IQGAP3: variants seen among roughly 807,000 people sequenced by gnomAD.
The protein encoded by IQGAP3 is ras GTPase-activating-like protein IQGAP3.
In IQGAP3, 165 loss-of-function variants were observed where a neutral mutation model predicts 208.2. The ratio of observed to expected loss-of-function variants is 0.79; its 90% CI spans 0.70 to 0.90. The LOEUF is 0.90. Among genes scored for constraint, IQGAP3 ranks in the 40% least tolerant of loss-of-function variants. The pLI is 0.00. For synonymous variants in IQGAP3, 703 were observed against 803.6 expected, an observed-to-expected ratio of 0.87 and a Z score of 2.12; for missense variants, 1,811 against 2,043.1, an observed-to-expected ratio of 0.89 and a Z score of 2.19.
chr1:156,556,751 C>G (rs904717224), intron 11 of IQGAP3, 58 bp from the exon 12 acceptor site: 86 of 1,429,934 alleles, frequency 6.0e-5, no homozygotes, highest in Admixed American at 7.6e-5. Context: ...CATCTCCACT[C>G]TCCTCACCAA....
chr1:156,554,588 A>G (rs1675735920), intron 12 of IQGAP3, among the ~76,000 whole-genome samples, 196 bp from the exon 13 acceptor site: 1 of 152,252 alleles, frequency 6.6e-6, no homozygotes, highest in African/African-American at 2.4e-5. Flanking sequence ...AGTACTTCAC[A>G]CACATTATCA....
Position 156,554,335 on chromosome 1 carries a change from T to C in IQGAP3, c.1348A>G (p.Ile450Val). The C allele has an allele frequency of 6.2e-7, 1 of 1,614,048 alleles. No homozygotes were observed. The highest frequency in any genetic ancestry group is 1.1e-5 in the South Asian group (1 of 91,066). Residue 450 changes from isoleucine to valine, a missense_variant, in exon 13 of 38, where the codon ATT (isoleucine) becomes GTT (valine). By Grantham distance (29) the Ile-to-Val change is conservative (BLOSUM62 3). Transcript: ENST00000361170. The stretch of plus-strand genomic sequence containing the variant: ...TCCCGGGCCTCCAGGGCCCGGTTAA[T>C]CAGGACCACAGCTGAGAGCATCTCC... ...AVEMLSAVVL[I>V]NRALEARDAS...
At chr1:156,537,063 G>A (rs1018880829) in intron 27 of IQGAP3, 118 bp downstream of exon 27, 44 of 1,107,122 alleles carry the variant, frequency 4.0e-5, no homozygotes, top group Non-Finnish European at 5.7e-5. Context: ...GAGTACCCCT[G>A]GCTCCATCTC....
At chr1:156,531,884 C>T (rs1674425757) in intron 32 of IQGAP3, among the ~76,000 whole-genome samples, 1 of 151,696 alleles carries the variant, frequency 6.6e-6, no homozygotes, top group South Asian at 2.1e-4. Context: ...AGATTACAGA[C>T]ATGAGCCACC....
intron 32 of IQGAP3, among the ~76,000 whole-genome samples, chr1:156,531,661 A>G (rs1674414706): frequency 6.7e-6 from 1 of 148,852 alleles, no homozygotes; most frequent in African/African-American, 2.5e-5. Flanking sequence ...CTGGAGTGCA[A>G]TGGCATGATC....
At chr1:156,571,902 T>C (rs896278183) in intron 1 of IQGAP3, among the ~76,000 whole-genome samples, 2 of 152,204 alleles carry the variant, frequency 1.3e-5, no homozygotes, top group Non-Finnish European at 2.9e-5. Context: ...TTTGAAAATG[T>C]GGCCCAGGGA....
In IQGAP3 at chr1:156,528,908, G is replaced by A. The variant is rs1674243851; in HGVS notation, c.4571+8C>T. On this transcript the variant is annotated splice_region_variant and intron_variant, in intron 35 of 37. Transcript: ENST00000361170. The stretch of plus-strand genomic sequence containing the variant: ...GTAACCTTCCAAGTACGGGAAAGCA[G>A]CACCTACTTGGAGTCGGGGGCCAGG... 1 of 1,613,996 alleles carries A rather than the reference G, an allele frequency of 6.2e-7. No homozygotes were observed. Among genetic ancestry groups the A allele is most frequent in the Non-Finnish European group, 8.5e-7 (1 of 1,179,956 alleles).
chr1:156,528,207 G>T, intron 36 of IQGAP3, 147 bp from the exon 37 acceptor site: 2 of 661,862 alleles, frequency 3.0e-6, no homozygotes, highest in Non-Finnish European at 5.4e-6. Flanking sequence ...CCAGCTCGCT[G>T]TCTTCTCCAT....
chr1:156,548,818 A>G, intron 16 of IQGAP3, 70 bp from the exon 17 acceptor site: 3 of 1,417,056 alleles, frequency 2.1e-6, no homozygotes, highest in African/African-American at 1.4e-5. Context: ...TGGCCAGTCC[A>G]CTAGGGACAG....
At chr1:156,533,148 C>A (rs780546786) in intron 31 of IQGAP3, 42 bp from the exon 32 acceptor site, 16 of 1,608,306 alleles carry the variant, frequency 9.9e-6, no homozygotes, top group Non-Finnish European at 1.3e-5. Flanking sequence ...GGCATACACA[C>A]ACACATGCGC....
chr1:156,537,465 G>T, intron 26 of IQGAP3, 144 bp from the exon 27 acceptor site: 1 of 743,046 alleles, frequency 1.3e-6, no homozygotes, highest in Non-Finnish European at 2.1e-6. Context: ...AGGAGAAAGG[G>T]CCAGAATGAG....
At chr1:156,532,017 G>A (rs1404583401) in intron 32 of IQGAP3, among the ~76,000 whole-genome samples, 1 of 152,158 alleles carries the variant, frequency 6.6e-6, no homozygotes, top group African/African-American at 2.4e-5. Context: ...CACCCCTACT[G>A]GGAGTCCTCC....
chr1:156,561,887 G>A lies in IQGAP3; in HGVS notation c.992C>T (p.Ala331Val), dbSNP rs1450795243. The change falls in exon 10 of 38, where the codon GCT (alanine) becomes GTT (valine). Residue 331 changes from alanine to valine, a missense_variant. By Grantham distance (64) the Ala-to-Val change is moderately conservative. Transcript: ENST00000361170. ...LALRGVRRDF[A>V]DWYLEQLNSD... ...GTTCAGCTGCTCCAGGTACCAGTCA[G>A]CAAAGTCTCTCCTCACCCCTCGCAG... 6.2e-7 allele frequency: 1 copy of A among 1,613,954 alleles called. No homozygotes were observed. Among genetic ancestry groups the A allele is most frequent in the Non-Finnish European group, 8.5e-7 (1 of 1,179,998 alleles).
intron 31 of IQGAP3, 109 bp from the exon 32 acceptor site, chr1:156,533,215 C>T: frequency 7.2e-7 from 1 of 1,387,564 alleles, no homozygotes; most frequent in Non-Finnish European, 1.0e-6. Flanking sequence ...TCAGCTGCTC[C>T]ACATGCCCCT....
In IQGAP3 at chr1:156,548,690, A is replaced by G. The variant is rs755095358; in HGVS notation, c.1884T>C (p.Thr628=). 1.2e-6 allele frequency: 2 copies of G among 1,610,294 alleles called. No individual in the cohort carries two copies. Among genetic ancestry groups the G allele is most frequent in the Non-Finnish European group, 1.7e-6 (2 of 1,177,718 alleles). The change falls in exon 17 of 38, where the codon ACT becomes ACC. Residue 628 remains threonine (T), a synonymous_variant. Coordinates refer to ENST00000361170, the MANE Select transcript of IQGAP3 (RefSeq NM_178229.5). ...QAIKEGKAAQ[T]ERVLRNPAVA... is the part of the protein sequence containing the mutation. ...CTGCGGGGTTCCTCAACACCCGCTC[A>G]GTCTGGGCTGCCTTGCCCTCCTTGA... is the stretch of plus-strand genomic sequence containing the variant.
chr1:156,548,967 T>A (rs528563926), intron 16 of IQGAP3, among the ~76,000 whole-genome samples: 18 of 152,254 alleles, frequency 1.2e-4, no homozygotes, highest in African/African-American at 4.1e-4. Context: ...AATGAAGCAC[T>A]CCTGAGGGAG....
At chr1:156,547,390 C>CACACAG (rs1553225637) in intron 19 of IQGAP3, among the ~76,000 whole-genome samples, 35 of 51,204 alleles carry the variant, frequency 6.8e-4, no homozygotes, top group East Asian at 1.1e-3. Context: ...GACACACAGA[C>CACACAG]ACACACACAC....
At chr1:156,552,128 A>G in intron 13 of IQGAP3, 33 bp from the exon 14 acceptor site, 5 of 1,606,574 alleles carry the variant, frequency 3.1e-6, no homozygotes, top group Non-Finnish European at 4.3e-6. Context: ...AGAGGTGAGT[A>G]GCATGTGAAT....
At position 156,566,048 on chromosome 1, in the gene IQGAP3, T is replaced by C. The variant is rs759792447; in HGVS notation, c.339A>G (p.Ile113Met). ...TTACCGAAGGCAGACCGATGTGGGC[T>C]ATTGCAGATAGCCAAAAGTTGATGT... Reference protein sequence around the residue: ...TDNINFWLSAIAHIGLPSTFF... With the variant: ...TDNINFWLSAMAHIGLPSTFF... The change falls in exon 4 of 38, where the codon ATA (isoleucine) becomes ATG (methionine). Residue 113 changes from isoleucine to methionine, a missense_variant. By Grantham distance (10) the Ile-to-Met change is conservative. Transcript: ENST00000361170. 150 of 1,613,740 alleles carry C rather than the reference T, an allele frequency of 9.3e-5. No individual in the cohort carries two copies. Among genetic ancestry groups the C allele is most frequent in the Non-Finnish European group, 1.2e-4 (146 of 1,179,768 alleles).
Sources: allele counts gnomAD v4.1 joint callset (sites outside exome capture counted in the v4.1 genomes callset), GRCh38; gene constraint gnomAD v4.1.1; transcripts MANE v1.5; gene names NCBI Gene and HGNC (gene_info 2026-07-23, HGNC 2026-07-21).